Variants in COPG1 observed in about 807,000 individuals in gnomAD.
COPG1 encodes the protein coatomer subunit gamma-1.
COPG1 carries 29 observed loss-of-function variants against 102.8 expected under a neutral mutation model. The observed-to-expected ratio is 0.28, with a 90% CI of 0.21 to 0.38. COPG1 has a LOEUF of 0.38. Among genes scored for constraint, COPG1 ranks in the 10% least tolerant of loss-of-function variants. The pLI is 1.00. For synonymous variants in COPG1, 406 were observed against 421.6 expected, an observed-to-expected ratio of 0.96 and a Z score of 0.45; for missense variants, 875 against 1,132.7, an observed-to-expected ratio of 0.77 and a Z score of 3.27.
rs915727947 is a variant in COPG1, at chr3:129,251,136, G to A, written c.90+402G>A. On this transcript the variant is annotated intron_variant, in intron 2 of 23. Transcript: ENST00000314797. ...GACGGGGTTTCACCGCGTTAGCCAG[G>A]ACGGTCTTGATCTCCTGACCTCGTG... Among the ~76,000 whole-genome samples the A allele has an allele frequency of 4.6e-5, 7 of 150,820 alleles. No homozygotes were observed. The East Asian group carries it at 1.4e-3, about 29-fold the overall frequency.
intron 8 of COPG1, 91 bp downstream of exon 8, chr3:129,256,245 T>C (rs1939807831): frequency 4.8e-6 from 5 of 1,034,130 alleles, no homozygotes; most frequent in Non-Finnish European, 7.4e-6. Flanking sequence ...ACCGAGATCC[T>C]TGTGACCCCT....
At position 129,250,747 on chromosome 3, in the gene COPG1, T is replaced by G; in HGVS notation, c.90+13T>G. On this transcript the variant is annotated intron_variant, in intron 2 of 23. Coordinates refer to ENST00000314797, the MANE Select transcript of COPG1 (RefSeq NM_016128.4). ...GGTACTCCAGGAGGCAAGTGACATTTGCTCCCCTCTAGCTTCCATCATAAA... is the reference window on the plus strand; with the variant it reads ...GGTACTCCAGGAGGCAAGTGACATTGGCTCCCCTCTAGCTTCCATCATAAA... 6.2e-7 allele frequency: 1 copy of G among 1,610,802 alleles called. No homozygotes were observed. The highest frequency in any genetic ancestry group is 8.5e-7 in the Non-Finnish European group (1 of 1,177,066).
At chr3:129,270,182 C>T (rs778688677) in intron 18 of COPG1, among the ~76,000 whole-genome samples, 11 of 151,706 alleles carry the variant, frequency 7.3e-5, no homozygotes, top group Non-Finnish European at 1.3e-4. Context: ...GTCCCTTTTA[C>T]CATGCAAGGT....
rs574844429 is a variant in COPG1 at position 129,259,438 on chromosome 3, G to A, written c.872-895G>A. ...ATCGCGCCACTGCCCTCCAGCCTGGGCGACAGAGGGAGACTCTATCTCAAA... is the reference window on the plus strand; with the variant it reads ...ATCGCGCCACTGCCCTCCAGCCTGGACGACAGAGGGAGACTCTATCTCAAA... On this transcript the variant is annotated intron_variant, in intron 10 of 23. Coordinates refer to ENST00000314797, the MANE Select transcript of COPG1 (RefSeq NM_016128.4). Among the ~76,000 whole-genome samples, 3 of 147,900 alleles carry A rather than the reference G, an allele frequency of 2.0e-5. No homozygotes were observed. In the East Asian group the frequency reaches 5.9e-4, roughly 29 times the overall value.
At chr3:129,263,050 C>A in intron 12 of COPG1, among the ~76,000 whole-genome samples, 1 of 141,168 alleles carries the variant, frequency 7.1e-6, no homozygotes, top group South Asian at 2.2e-4. Context: ...CCTTCTGGAG[C>A]AGAGTGGAGG....
intron 15 of COPG1, 30 bp downstream of exon 15, chr3:129,267,129 G>A: frequency 1.9e-6 from 3 of 1,561,784 alleles, no homozygotes; most frequent in Non-Finnish European, 1.8e-6. Context: ...CCCTAATGGG[G>A]ACAGTGTTCC....
In COPG1 at chr3:129,262,096, A is replaced by G. The variant is rs141302105; in HGVS notation, c.1128+1289A>G. On this transcript the variant is annotated intron_variant, in intron 12 of 23. Coordinates refer to ENST00000314797, the MANE Select transcript of COPG1 (RefSeq NM_016128.4). ...TTACAAGAATGCTTTGCAGGCTGAAATGACACAGTGAGATTTGCATATTAG... is the reference window on the plus strand; with the variant it reads ...TTACAAGAATGCTTTGCAGGCTGAAGTGACACAGTGAGATTTGCATATTAG... Among the ~76,000 whole-genome samples the G allele has an allele frequency of 6.4e-4, 97 of 152,208 alleles. 3 individuals carry two copies. The East Asian group carries it at 0.017, about 27-fold the overall frequency.
intron 19 of COPG1, 23 bp from the exon 20 acceptor site, chr3:129,272,221 G>A: frequency 6.2e-7 from 1 of 1,609,554 alleles, no homozygotes. Context: ...CAATGTTTAA[G>A]CTCCCCTCTC....
At chr3:129,253,569 A>G (rs988464661) in intron 5 of COPG1, among the ~76,000 whole-genome samples, 1 of 152,190 alleles carries the variant, frequency 6.6e-6, no homozygotes, top group Non-Finnish European at 1.5e-5. Context: ...AGGGTGTAAT[A>G]TAGTTTATCA....
intron 13 of COPG1, 109 bp from the exon 14 acceptor site, chr3:129,265,439 TG>T: frequency 7.4e-7 from 1 of 1,353,528 alleles, no homozygotes; most frequent in Non-Finnish European, 1.0e-6. Context: ...GAGAACCAAG[TG>T]CCCTGTCTCC....
chr3:129,277,526 GAAAAACA>G lies in COPG1; in HGVS notation c.*104_*110del. 1 of 1,238,416 alleles carries G rather than the reference GAAAAACA, an allele frequency of 8.1e-7. No homozygotes were observed. The highest frequency in any genetic ancestry group is 2.8e-5 in the East Asian group (1 of 35,358). The allele number at this position is 1,238,416 out of a possible 1,614,324, so 76.7% of individuals were successfully genotyped here. On this transcript the variant is annotated 3_prime_UTR_variant, in exon 24 of 24. Transcript: ENST00000314797. ...AAACCCCTTCCCAAGCTTCTGTATT[GAAAAACA>G]ATTAGGAATCATTGCAGATTTTTTT...
chr3:129,262,196 T>G (rs1939938889), intron 12 of COPG1, among the ~76,000 whole-genome samples: 1 of 151,962 alleles, frequency 6.6e-6, no homozygotes, highest in African/African-American at 2.4e-5. Context: ...GGAGGATCAC[T>G]TGAGGCCTGA....
At chr3:129,262,833 A>T (rs1939951856) in intron 12 of COPG1, among the ~76,000 whole-genome samples, 1 of 151,816 alleles carries the variant, frequency 6.6e-6, no homozygotes. Flanking sequence ...AGCCTGGCCA[A>T]CATGGTGAAA....
intron 10 of COPG1, 64 bp downstream of exon 10, chr3:129,257,924 C>T: frequency 6.3e-7 from 1 of 1,582,174 alleles, no homozygotes; most frequent in East Asian, 2.2e-5. Flanking sequence ...GGCCTGGGTT[C>T]CCGGGCTAGG....
intron 8 of COPG1, 50 bp from the exon 9 acceptor site, chr3:129,257,420 A>G (rs769577089): frequency 1.2e-6 from 2 of 1,601,112 alleles, no homozygotes; most frequent in Non-Finnish European, 1.7e-6. Flanking sequence ...CACAGCCAGT[A>G]TACCCAAAAG....
At position 129,275,193 on chromosome 3, in the gene COPG1, G is replaced by T. The variant is rs1940242514; in HGVS notation, c.2396-1G>T. ...AACAATATTGGGATTTCTCATTACA[G>T]AGGCTGTGGGTAATATTGTGAAGTT... On this transcript the variant is annotated splice_acceptor_variant, in intron 22 of 23. Transcript: ENST00000314797. LOFTEE classifies it high-confidence loss of function. The surrounding 1 kb of genome is among the most constrained non-coding windows in gnomAD (Gnocchi z 5.0). 1 of 1,613,230 alleles carries T rather than the reference G, an allele frequency of 6.2e-7. No homozygotes were observed.
Position 129,271,164 on chromosome 3 carries a change from C to T in COPG1, c.1844-603C>T, listed in dbSNP as rs1305334503. On this transcript the variant is annotated intron_variant, in intron 18 of 23. Coordinates refer to ENST00000314797, the MANE Select transcript of COPG1 (RefSeq NM_016128.4). The surrounding 1 kb of genome is among the most constrained non-coding windows in gnomAD (Gnocchi z 4.7). ...CTTTAGTTTGCAAGGAATGCCAGGA[C>T]CAGCCAGGGTGGGGTCCCATGGGCC... Among the ~76,000 whole-genome samples, 1 of 152,282 alleles carries T rather than the reference C, an allele frequency of 6.6e-6. No individual in the cohort carries two copies. The highest frequency in any genetic ancestry group is 3.4e-3 in the Middle Eastern group (1 of 294).
intron 18 of COPG1, among the ~76,000 whole-genome samples, chr3:129,270,437 T>C (rs1940162154): frequency 6.6e-6 from 1 of 152,202 alleles, no homozygotes; most frequent in Non-Finnish European, 1.5e-5. Flanking sequence ...ATCAGTTTTA[T>C]TGATGAAGAG....
At chr3:129,255,166 T>C in intron 7 of COPG1, 89 bp downstream of exon 7, 3 of 829,772 alleles carry the variant, frequency 3.6e-6, no homozygotes, top group East Asian at 2.6e-5. Context: ...AAAAAGAAAG[T>C]GTTTCTTTCT....
Sources: gnomAD v4.1 joint callset for allele counts (sites outside exome capture counted in the v4.1 genomes callset) on GRCh38, gnomAD v4.1.1 for gene constraint, Gnocchi (gnomAD v3.1) non-coding constraint, MANE v1.5 for transcripts, NCBI Gene and HGNC (gene_info 2026-07-23, HGNC 2026-07-21) for gene names.